The following PRKG1 variants were observed in gnomAD, a reference collection of about 807,000 sequenced individuals.
PRKG1 encodes the protein protein kinase cGMP-dependent 1, also known as cGMP-dependent protein kinase 1.
PRKG1 carries 35 observed loss-of-function variants against 88.1 expected under a neutral mutation model. That is an observed-to-expected ratio of 0.40 (90% CI 0.30 to 0.53). PRKG1 has a LOEUF of 0.53. Among genes scored for constraint, PRKG1 ranks in the 20% least tolerant of loss-of-function variants. PRKG1 has a pLI of 0.59. For missense variants in PRKG1, 540 were observed against 839.8 expected, an observed-to-expected ratio of 0.64 and a Z score of 4.41; for synonymous variants, 303 against 292.5, an observed-to-expected ratio of 1.04 and a Z score of -0.37.
intron 1 of PRKG1, among the ~76,000 whole-genome samples, chr10:51,049,789 G>A (rs1490545476): frequency 6.6e-6 from 1 of 152,060 alleles, no homozygotes; most frequent in Non-Finnish European, 1.5e-5. Flanking sequence ...GGGTTTTTGT[G>A]TATTGTCCAT....
chr10:51,720,215 C>G (rs1047824828), intron 3 of PRKG1, among the ~76,000 whole-genome samples: 2 of 152,124 alleles, frequency 1.3e-5, no homozygotes, highest in African/African-American at 4.8e-5. Flanking sequence ...TCATTCTGAC[C>G]TACAGGACCT....
chr10:51,034,706 ATG>A (rs1843332189), intron 1 of PRKG1, among the ~76,000 whole-genome samples: 1 of 140,132 alleles, frequency 7.1e-6, no homozygotes, highest in African/African-American at 2.6e-5. Context: ...ATATATATAT[ATG>A]CCTTAAAAAT....
At chr10:51,059,927 A>G (rs1219341326) in intron 1 of PRKG1, among the ~76,000 whole-genome samples, 2 of 152,122 alleles carry the variant, frequency 1.3e-5, no homozygotes, top group East Asian at 3.9e-4. Context: ...ATCTAATAAG[A>G]TATTAGATTT....
chr10:51,954,208 A>G (rs901310859), intron 5 of PRKG1, among the ~76,000 whole-genome samples: 4 of 152,200 alleles, frequency 2.6e-5, no homozygotes, highest in Non-Finnish European at 5.9e-5. Flanking sequence ...AATGACAATT[A>G]TGTAATAATC....
chr10:51,641,122 A>T (rs1168806238), intron 3 of PRKG1, among the ~76,000 whole-genome samples: 2 of 152,186 alleles, frequency 1.3e-5, no homozygotes, highest in Admixed American at 1.3e-4. Flanking sequence ...GAATTAAACA[A>T]TCATAAATGA....
chr10:52,220,730 C>G (rs1345863613), intron 9 of PRKG1, among the ~76,000 whole-genome samples: 1 of 151,944 alleles, frequency 6.6e-6, no homozygotes, highest in Non-Finnish European at 1.5e-5. Context: ...CACCCATGTT[C>G]CTGCAGAGGA....
chr10:51,929,185 A>G (rs1453279074), intron 5 of PRKG1, among the ~76,000 whole-genome samples: 1 of 152,128 alleles, frequency 6.6e-6, no homozygotes, highest in Non-Finnish European at 1.5e-5. Flanking sequence ...TTATCAATGG[A>G]TCAAGAAGGA....
intron 3 of PRKG1, among the ~76,000 whole-genome samples, chr10:51,489,944 T>C (rs1366800186): frequency 6.6e-6 from 1 of 152,192 alleles, no homozygotes; most frequent in Non-Finnish European, 1.5e-5. Flanking sequence ...TTATCATCAC[T>C]ACCCCTCTTC....
intron 7 of PRKG1, among the ~76,000 whole-genome samples, chr10:52,113,188 A>G (rs555361000): frequency 6.6e-6 from 1 of 152,350 alleles, no homozygotes; most frequent in East Asian, 1.9e-4. Context: ...ATTGTTTACT[A>G]AAATGTGCAT....
intron 9 of PRKG1, among the ~76,000 whole-genome samples, chr10:52,208,113 C>G (rs1418340970): frequency 2.0e-5 from 3 of 152,186 alleles, no homozygotes; most frequent in Admixed American, 1.3e-4. Flanking sequence ...AGCAATCTGT[C>G]TCCAGAATTT....
intron 4 of PRKG1, among the ~76,000 whole-genome samples, chr10:51,846,019 A>G (rs1033445261): frequency 1.3e-5 from 2 of 152,152 alleles, no homozygotes. Flanking sequence ...ATGCAAAGTC[A>G]TATACCCTTA....
chr10:51,807,897 A>T (rs61850002), intron 4 of PRKG1, among the ~76,000 whole-genome samples: 4,342 of 152,256 alleles, frequency 0.029, 105 homozygotes, highest in Non-Finnish European at 0.045. Flanking sequence ...GAGAAGCCAG[A>T]GACAGGAGGC....
chr10:51,006,277 C>T (rs575810475), intron 1 of PRKG1, among the ~76,000 whole-genome samples: 2 of 152,096 alleles, frequency 1.3e-5, no homozygotes, highest in Non-Finnish European at 2.9e-5. Flanking sequence ...ACTTTGTGTC[C>T]GTACTAACCT....
At chr10:51,930,495 C>CTTTTT (rs3029977) in intron 5 of PRKG1, among the ~76,000 whole-genome samples, 19 of 104,464 alleles carry the variant, frequency 1.8e-4, no homozygotes, top group Admixed American at 4.4e-4. Context: ...TTTTTTTCCT[C>CTTTTT]TTTTTTTTTT....
chr10:51,126,014 A>G (rs1217014509), intron 1 of PRKG1, among the ~76,000 whole-genome samples: 3 of 125,076 alleles, frequency 2.4e-5, no homozygotes, highest in African/African-American at 9.6e-5. Context: ...TTTATATATA[A>G]TTTATTTATA....
chr10:51,597,635 C>T (rs1235425032), intron 3 of PRKG1, among the ~76,000 whole-genome samples: 1 of 152,150 alleles, frequency 6.6e-6, no homozygotes, highest in Admixed American at 6.6e-5. Context: ...ATTTACACTT[C>T]AGAAGCTTCC....
chr10:51,445,742 A>C (rs1433002824), intron 2 of PRKG1, among the ~76,000 whole-genome samples: 1 of 151,892 alleles, frequency 6.6e-6, no homozygotes, highest in Admixed American at 6.6e-5. Context: ...CATAGGTCTT[A>C]AAATGTCTTG....
chr10:52,077,653 C>T (rs1170642345), intron 7 of PRKG1, among the ~76,000 whole-genome samples: 1 of 152,002 alleles, frequency 6.6e-6, no homozygotes, highest in Non-Finnish European at 1.5e-5. Context: ...ACTAGACAGT[C>T]GTACCCACTA....
intron 2 of PRKG1, among the ~76,000 whole-genome samples, chr10:51,212,356 AAAAACCCTAGAAG>A (rs572057445): frequency 6.6e-6 from 1 of 152,360 alleles, no homozygotes; most frequent in African/African-American, 2.4e-5. Flanking sequence ...CTAAAACCAT[AAAAACCCTAGAAG>A]AAAACTTAGG....
Sources: allele counts gnomAD v4.1 joint callset (sites outside exome capture counted in the v4.1 genomes callset), GRCh38; gene constraint gnomAD v4.1.1; transcripts MANE v1.5; gene names NCBI Gene and HGNC (gene_info 2026-07-23, HGNC 2026-07-21).